Variants in FAM135B observed in about 807,000 individuals in gnomAD.
FAM135B encodes protein FAM135B.
Under a neutral mutation model 127.7 loss-of-function variants are expected in FAM135B, and 43 were observed. The observed-to-expected ratio is 0.34, with a 90% CI of 0.26 to 0.43. The LOEUF (loss-of-function observed/expected upper bound fraction) is 0.43. Ranked by LOEUF, FAM135B falls within the 20% of genes least tolerant of loss-of-function variation. The probability of loss-of-function intolerance (pLI) is 1.00; values close to 1 mark genes in which losing one functional copy is unlikely to be tolerated. For synonymous variants in FAM135B, 670 were observed against 665.1 expected, an observed-to-expected ratio of 1.01 and a Z score of -0.11; for missense variants, 1,558 against 1,725.6, an observed-to-expected ratio of 0.90 and a Z score of 1.72.
intron 12 of FAM135B, among the ~76,000 whole-genome samples, chr8:138,158,580 TAAAC>T (rs1355317826): frequency 6.6e-6 from 1 of 152,012 alleles, no homozygotes; most frequent in East Asian, 1.9e-4. Context: ...ACAAAGAACT[TAAAC>T]AAATTTACAA....
chr8:138,452,853 G>A lies in FAM135B; in HGVS notation c.-20+43818C>T, dbSNP rs187352439. ...TGGTGGCAGGTGCCCTAGTTTTCCC[G>A]TGCACCCGTCCACGAGACTCCCTAG... On this transcript the variant is annotated intron_variant, in intron 1 of 19. Transcript: ENST00000395297. Among the ~76,000 whole-genome samples, 185 of 152,150 alleles carry A rather than the reference G, an allele frequency of 1.2e-3. 1 individual carries two copies. Among genetic ancestry groups the A allele is most frequent in the African/African-American group, 3.9e-3 (163 of 41,522 alleles).
intron 3 of FAM135B, among the ~76,000 whole-genome samples, chr8:138,304,560 T>A (rs1563877476): frequency 6.6e-6 from 1 of 152,020 alleles, no homozygotes; most frequent in Non-Finnish European, 1.5e-5. Flanking sequence ...ATAAGTCCAT[T>A]GGGAGGAGAG....
At chr8:138,154,685 A>T (rs1818537338) in intron 12 of FAM135B, among the ~76,000 whole-genome samples, 1 of 152,182 alleles carries the variant, frequency 6.6e-6, no homozygotes, top group Non-Finnish European at 1.5e-5. Flanking sequence ...AGTGGAAGAA[A>T]GGGCATCAGT....
At chr8:138,343,741 C>G (rs1380411714) in intron 2 of FAM135B, among the ~76,000 whole-genome samples, 2 of 152,188 alleles carry the variant, frequency 1.3e-5, no homozygotes, top group South Asian at 2.1e-4. Flanking sequence ...GAACTCCCAC[C>G]TCATAATCAG....
At chr8:138,229,207 C>G (rs567624876) in intron 7 of FAM135B, among the ~76,000 whole-genome samples, 45 of 152,106 alleles carry the variant, frequency 3.0e-4, no homozygotes, top group Non-Finnish European at 5.7e-4. Flanking sequence ...CCATGCATTG[C>G]CCCTGCTGTG....
intron 3 of FAM135B, among the ~76,000 whole-genome samples, chr8:138,279,714 GT>G (rs1824115497): frequency 6.6e-6 from 1 of 152,128 alleles, no homozygotes; most frequent in South Asian, 2.1e-4. Flanking sequence ...CACCTTTCCT[GT>G]GTCTCACAGA....
intron 2 of FAM135B, among the ~76,000 whole-genome samples, chr8:138,313,220 C>T (rs778151847): frequency 4.6e-5 from 7 of 152,158 alleles, no homozygotes; most frequent in Non-Finnish European, 7.3e-5. Context: ...CAACTTCCGT[C>T]TCCCGGGTTC....
intron 7 of FAM135B, among the ~76,000 whole-genome samples, chr8:138,204,340 A>G (rs1336235150): frequency 6.6e-6 from 1 of 152,198 alleles, no homozygotes; most frequent in Non-Finnish European, 1.5e-5. Context: ...CTCCTCATGC[A>G]TACTTCATTA....
intron 1 of FAM135B, among the ~76,000 whole-genome samples, chr8:138,494,836 T>TAAAA (rs112803082): frequency 9.5e-6 from 1 of 105,770 alleles, no homozygotes; most frequent in African/African-American, 5.6e-5. Context: ...GTTTATACTG[T>TAAAA]AAAAAAAAAA....
intron 1 of FAM135B, among the ~76,000 whole-genome samples, chr8:138,423,831 C>T (rs565281455): frequency 6.6e-6 from 1 of 152,088 alleles, no homozygotes; most frequent in Non-Finnish European, 1.5e-5. Context: ...CCCTACAGCT[C>T]GACCATAAAA....
chr8:138,159,540 T>C (rs1232399147), intron 12 of FAM135B, among the ~76,000 whole-genome samples: 3 of 138,346 alleles, frequency 2.2e-5, no homozygotes, highest in Non-Finnish European at 4.6e-5. Context: ...CACTCATAGA[T>C]AGGAATTGAA....
chr8:138,497,643 G>A (rs1270229701), upstream of FAM135B, among the ~76,000 whole-genome samples: 1 of 152,180 alleles, frequency 6.6e-6, no homozygotes, highest in Non-Finnish European at 1.5e-5. Flanking sequence ...TGCGAAGTCA[G>A]CAGTGGCCTT....
At chr8:138,206,970 A>G (rs959169928) in intron 7 of FAM135B, among the ~76,000 whole-genome samples, 2 of 152,100 alleles carry the variant, frequency 1.3e-5, no homozygotes, top group Non-Finnish European at 2.9e-5. Flanking sequence ...CAACTCCAGC[A>G]TCCTCTCCAC....
intron 9 of FAM135B, among the ~76,000 whole-genome samples, chr8:138,179,565 T>A (rs946559268): frequency 6.6e-6 from 1 of 152,212 alleles, no homozygotes; most frequent in African/African-American, 2.4e-5. Context: ...GCATAGTAAG[T>A]GTTTAAAAAA....
chr8:138,210,074 C>A (rs972940527), intron 7 of FAM135B, among the ~76,000 whole-genome samples: 5 of 152,192 alleles, frequency 3.3e-5, no homozygotes, highest in Non-Finnish European at 5.9e-5. Flanking sequence ...TTACTCCCAT[C>A]TCTGAGAGGC....
At chr8:138,146,521 A>G (rs570404134) in intron 14 of FAM135B, among the ~76,000 whole-genome samples, 6 of 152,252 alleles carry the variant, frequency 3.9e-5, no homozygotes, top group South Asian at 4.1e-4. Context: ...CAACTGGCCA[A>G]TCATGGCACA....
At chr8:138,335,268 G>C (rs1828486014) in intron 2 of FAM135B, among the ~76,000 whole-genome samples, 2 of 152,160 alleles carry the variant, frequency 1.3e-5, no homozygotes, top group African/African-American at 4.8e-5. Context: ...GTGAGAGGAA[G>C]AACCCGCTGC....
chr8:138,463,041 C>G (rs1025767858), intron 1 of FAM135B, among the ~76,000 whole-genome samples: 4 of 152,254 alleles, frequency 2.6e-5, no homozygotes, highest in African/African-American at 4.8e-5. Flanking sequence ...TCACAACACT[C>G]AAAACGTTTA....
chr8:138,229,426 T>C (rs925760724), intron 7 of FAM135B, among the ~76,000 whole-genome samples: 1 of 152,088 alleles, frequency 6.6e-6, no homozygotes, highest in Non-Finnish European at 1.5e-5. Flanking sequence ...ATAAATATGG[T>C]CCTTTCATCT....
Sources: gnomAD v4.1 joint callset for allele counts (sites outside exome capture counted in the v4.1 genomes callset) on GRCh38, gnomAD v4.1.1 for gene constraint, MANE v1.5 for transcripts, NCBI Gene and HGNC (gene_info 2026-07-23, HGNC 2026-07-21) for gene names.